Variants in DKK4 observed in about 807,000 individuals in gnomAD.
DKK4 encodes the protein dickkopf Wnt signaling pathway inhibitor 4, also known as dickkopf-related protein 4.
DKK4 carries 15 observed loss-of-function variants against 14.5 expected under a neutral mutation model. The observed-to-expected ratio is 1.03, with a 90% CI of 0.69 to 1.59. The LOEUF (loss-of-function observed/expected upper bound fraction) is 1.59. Among genes scored for constraint, DKK4 ranks in the 40% most tolerant of loss-of-function variants. The pLI, the probability that DKK4 is intolerant of heterozygous loss-of-function variation, is 0.00. For missense variants in DKK4, 272 were observed against 280.3 expected, an observed-to-expected ratio of 0.97 and a Z score of 0.21; for synonymous variants, 89 against 105.2, an observed-to-expected ratio of 0.85 and a Z score of 0.94.
At chr8:42,384,396 G>A in the DKK4 span, among the ~76,000 whole-genome samples, 1 of 152,126 alleles carries the variant, frequency 6.6e-6, no homozygotes, top group African/African-American at 2.4e-5. Flanking sequence ...TCCCACCTTG[G>A]CCTCCCAAAG....
intron 3 of DKK4, 39 bp downstream of exon 3, chr8:42,374,722 C>T: frequency 6.2e-7 from 1 of 1,612,514 alleles, no homozygotes; most frequent in South Asian, 1.1e-5. Context: ...GGAGAAAATG[C>T]ATTTCTGAAA....
chr8:42,390,358 C>CTTTT, the DKK4 span, among the ~76,000 whole-genome samples: 88 of 99,458 alleles, frequency 8.8e-4, no homozygotes, highest in African/African-American at 1.1e-3. Context: ...CTTTTGCTTC[C>CTTTT]TTTTTTTTTT....
the DKK4 span, among the ~76,000 whole-genome samples, chr8:42,385,667 C>A: frequency 6.6e-6 from 1 of 152,096 alleles, no homozygotes; most frequent in Non-Finnish European, 1.5e-5. Context: ...GAAGGCCCAG[C>A]ACAAAGTCCA....
rs1219485299 is a variant in DKK4, at chr8:42,376,488, CA to C, written c.111+446del. Among the ~76,000 whole-genome samples the C allele has an allele frequency of 3.3e-5, 5 of 152,300 alleles. No homozygotes were observed. In the East Asian group the frequency reaches 9.6e-4, roughly 29 times the overall value. The stretch of plus-strand genomic sequence containing the variant: ...TCTGTGAAGTTAGATGGTGACAAGG[CA>C]ATGCATCATGGCCCTCTGTTTAAAT... On this transcript the variant is annotated intron_variant, in intron 1 of 3. Coordinates refer to ENST00000220812, the MANE Select transcript of DKK4 (RefSeq NM_014420.3).
At chr8:42,383,917 T>A in the DKK4 span, among the ~76,000 whole-genome samples, 1 of 152,164 alleles carries the variant, frequency 6.6e-6, no homozygotes, top group Non-Finnish European at 1.5e-5. Flanking sequence ...CACTCCAGCC[T>A]GGGGAACAGA....
the DKK4 span, among the ~76,000 whole-genome samples, chr8:42,386,847 C>T: frequency 6.6e-6 from 1 of 152,200 alleles, no homozygotes; most frequent in Non-Finnish European, 1.5e-5. Flanking sequence ...GAATCATATC[C>T]TACACTCAGG....
In DKK4 at chr8:42,375,867, C is replaced by T. The variant is rs750962176; in HGVS notation, c.112-37G>A. 6.2e-6 allele frequency: 10 copies of T among 1,608,148 alleles called. 1 individual carries two copies. The South Asian group carries it at 1.1e-4, about 18-fold the overall frequency. ...ATCTGTTATCACAAGGCTAGGAAAC[C>T]CCCAACACGATGGAAGATGACTTAT... On this transcript the variant is annotated intron_variant, in intron 1 of 3. Coordinates refer to ENST00000220812, the MANE Select transcript of DKK4 (RefSeq NM_014420.3).
At chr8:42,380,746 A>AAG (rs149482173), upstream of DKK4, among the ~76,000 whole-genome samples, 49 of 143,178 alleles carry the variant, frequency 3.4e-4, no homozygotes, top group South Asian at 2.6e-3. Context: ...AGAGAGTGGA[A>AAG]AGAGAGAGAG....
upstream of DKK4, among the ~76,000 whole-genome samples, chr8:42,378,797 T>G (rs1824609209): frequency 6.6e-6 from 1 of 151,716 alleles, no homozygotes; most frequent in Admixed American, 6.6e-5. Flanking sequence ...TCGGATTACA[T>G]GTTAGGAATA....
chr8:42,377,769 G>A (rs1024380690), upstream of DKK4, among the ~76,000 whole-genome samples: 4 of 152,174 alleles, frequency 2.6e-5, no homozygotes, highest in Admixed American at 6.5e-5. Flanking sequence ...AGTTGTGAAC[G>A]TAACAGCACC....
intron 1 of DKK4, among the ~76,000 whole-genome samples, chr8:42,376,688 G>A (rs1183360151): frequency 6.6e-6 from 1 of 152,152 alleles, no homozygotes; most frequent in Non-Finnish European, 1.5e-5. Flanking sequence ...CTTCCAAAGT[G>A]TTCGTTTATT....
upstream of DKK4, among the ~76,000 whole-genome samples, chr8:42,378,943 C>CAAAA (rs1166439885): frequency 4.3e-4 from 21 of 49,352 alleles, no homozygotes; most frequent in East Asian, 1.3e-3. Flanking sequence ...CCTGTCTCCA[C>CAAAA]AAAAAAAAAA....
In DKK4 at chr8:42,374,859, T is replaced by C. The variant is rs1824527386; in HGVS notation, c.317A>G (p.Glu106Gly). 6.2e-7 allele frequency: 1 copy of C among 1,614,106 alleles called. No individual in the cohort carries two copies. The highest frequency in any genetic ancestry group is 1.1e-5 in the South Asian group (1 of 91,088). The change falls in exon 3 of 4, where the codon GAG becomes GGG. Residue 106 changes from glutamate (E) to glycine (G), a missense_variant. Glu to Gly is a moderately conservative substitution (Grantham distance 98). Transcript: ENST00000220812. The stretch of plus-strand genomic sequence containing the variant: ...TCCTTCTGCATGTGTGCCATCTTGC[T>C]CATCAAGCTGCCTTTCTAATATTGG... ...ATPILERQLD[E>G]QDGTHAEGTT...
At chr8:42,380,802 GAAAA>G (rs1172260854), upstream of DKK4, among the ~76,000 whole-genome samples, 1 of 88,390 alleles carries the variant, frequency 1.1e-5, no homozygotes, top group South Asian at 3.8e-4. Context: ...GAAAGAAAAA[GAAAA>G]GGAAGGAAGG....
the DKK4 span, among the ~76,000 whole-genome samples, chr8:42,389,737 A>G: frequency 8.5e-5 from 13 of 152,214 alleles, no homozygotes; most frequent in Non-Finnish European, 1.6e-4. Context: ...CACCTCGATT[A>G]ACCAATTGTT....
Position 42,376,947 on chromosome 8 carries a change from A to T in DKK4, c.99T>A (p.His33Gln). The T allele has an allele frequency of 6.2e-7, 1 of 1,613,596 alleles. No homozygotes were observed. The highest frequency in any genetic ancestry group is 8.5e-7 in the Non-Finnish European group (1 of 1,179,964). The change falls in exon 1 of 4, where the codon CAT becomes CAA. Residue 33 changes from histidine (H) to glutamine (Q), a missense_variant. His to Gln is a conservative substitution (Grantham distance 24). Coordinates refer to ENST00000220812, the MANE Select transcript of DKK4 (RefSeq NM_014420.3). Reference sequence around the variant, plus strand: ...CTAGCAGCCTTACCTTCCGGGCCCCATGCAGGTCAGCAGAGCTCCTGATGT... The same window carrying T: ...CTAGCAGCCTTACCTTCCGGGCCCCTTGCAGGTCAGCAGAGCTCCTGATGT... ...FNNIRSSADL[H>Q]GARKGSQCLS...
chr8:42,376,293 A>G (rs1384451085), intron 1 of DKK4, among the ~76,000 whole-genome samples: 1 of 152,204 alleles, frequency 6.6e-6, no homozygotes, highest in Non-Finnish European at 1.5e-5. Context: ...ATTTTCAATG[A>G]TGCCTCATTG....
chr8:42,379,521 T>C (rs1824633622), upstream of DKK4, among the ~76,000 whole-genome samples: 1 of 150,188 alleles, frequency 6.7e-6, no homozygotes, highest in Non-Finnish European at 1.5e-5. Flanking sequence ...TACATATGGA[T>C]GATTTCAATG....
chr8:42,382,934 C>T, the DKK4 span, among the ~76,000 whole-genome samples: 1 of 152,160 alleles, frequency 6.6e-6, no homozygotes. Context: ...CTGTGGTTCA[C>T]GTCAAAGGCT....
Sources: gnomAD v4.1 joint callset for allele counts (sites outside exome capture counted in the v4.1 genomes callset) on GRCh38, gnomAD v4.1.1 for gene constraint, MANE v1.5 for transcripts, NCBI Gene and HGNC (gene_info 2026-07-23, HGNC 2026-07-21) for gene names.